The following AKT1 variants were observed in gnomAD, a reference collection of about 807,000 sequenced individuals.
The protein encoded by AKT1 is RAC-alpha serine/threonine-protein kinase.
A neutral mutation model predicts 63.1 loss-of-function variants in AKT1; 21 were observed. That is an observed-to-expected ratio of 0.33 (90% CI 0.24 to 0.48). AKT1 has a LOEUF of 0.48. Ranked by LOEUF, AKT1 falls within the 20% of genes least tolerant of loss-of-function variation. The pLI, the probability that AKT1 is intolerant of heterozygous loss-of-function variation, is 0.99. For synonymous variants in AKT1, 257 were observed against 253.1 expected (o/e 1.02, Z -0.15); for missense variants, 382 against 666.0 (o/e 0.57, Z 4.69).
chr14:104,769,577 G>A lies in AKT1; in HGVS notation c.*764C>T, dbSNP rs112114610. Reference sequence around the variant, plus strand: ...AGCGTCGAAAAGGTCAAGTGCTACCGTGGAGAGATCATCTGAGGGGGAGGC... The same window carrying A: ...AGCGTCGAAAAGGTCAAGTGCTACCATGGAGAGATCATCTGAGGGGGAGGC... On this transcript the variant is annotated 3_prime_UTR_variant, in exon 15 of 15. Transcript: ENST00000649815. The A allele has an allele frequency of 1.7e-3, 916 of 534,010 alleles. 4 individuals are homozygous for A. The highest frequency in any genetic ancestry group is 6.9e-3 in the East Asian group (175 of 25,382). 33.1% of individuals were successfully genotyped at this position (534,010 alleles called of 1,614,324 possible).
rs576052791 is a variant in AKT1 at position 104,782,009 on chromosome 14, T to C, written c.47-1793A>G. On this transcript the variant is annotated intron_variant, in intron 3 of 14. Coordinates refer to ENST00000649815, the MANE Select transcript of AKT1 (RefSeq NM_001382430.1). Reference sequence around the variant, plus strand: ...TGGGTGCCGGCTCCTGTCCCTGACCTGGGATCTCGCACACCCCCGAGTGTG... The same window carrying C: ...TGGGTGCCGGCTCCTGTCCCTGACCCGGGATCTCGCACACCCCCGAGTGTG... Among the ~76,000 whole-genome samples the C allele has an allele frequency of 2.3e-4, 35 of 152,268 alleles. No individual in the cohort carries two copies. In the South Asian group the frequency reaches 6.8e-3, roughly 30 times the overall value.
At chr14:104,790,642 G>A (rs879692276) in intron 3 of AKT1, among the ~76,000 whole-genome samples, 2 of 152,210 alleles carry the variant, frequency 1.3e-5, no homozygotes, top group Non-Finnish European at 2.9e-5. Context: ...CCTGCCAAGG[G>A]CATATGTCAT....
At position 104,770,220 on chromosome 14, in the gene AKT1, G is replaced by T. The variant is rs17846826; in HGVS notation, c.*121C>A. The T allele has an allele frequency of 2.7e-6, 3 of 1,128,142 alleles. No homozygotes were observed. The highest frequency in any genetic ancestry group is 4.0e-5 in the Admixed American group (2 of 50,042). The allele number at this position is 1,128,142 out of a possible 1,614,324, so 69.9% of individuals were successfully genotyped here. On this transcript the variant is annotated 3_prime_UTR_variant, in exon 15 of 15. Coordinates refer to ENST00000649815, the MANE Select transcript of AKT1 (RefSeq NM_001382430.1). ...CAAAAACGTCTTTCCATCTGGGCTC[G>T]AGAGGACAGCGTGGCTTCTCTCAAA...
At chr14:104,780,763 CAGTT>C (rs1892991493) in intron 3 of AKT1, among the ~76,000 whole-genome samples, 2 of 152,102 alleles carry the variant, frequency 1.3e-5, no homozygotes, top group Admixed American at 6.5e-5. Flanking sequence ...ATGGCGTCCA[CAGTT>C]AGAGGTCAGC....
At chr14:104,776,085 C>A in intron 5 of AKT1, 2 of 342,144 alleles carry the variant, frequency 5.8e-6, no homozygotes, top group Admixed American at 4.7e-5. Context: ...ACTCCGCCCC[C>A]CCCAAGCAGG....
intron 12 of AKT1, 98 bp from the exon 13 acceptor site, chr14:104,772,550 G>A: frequency 8.1e-7 from 1 of 1,238,276 alleles, no homozygotes; most frequent in South Asian, 1.3e-5. Context: ...CGCCAGACAG[G>A]ACGTTCCGGG....
chr14:104,776,159 T>A, intron 5 of AKT1: 1 of 235,154 alleles, frequency 4.3e-6, no homozygotes. Context: ...CGGGTTTTTC[T>A]TTTTTTGAGA....
rs574769056 is a variant in AKT1, at chr14:104,775,808, G to A, written c.288-9C>T. ...CGGTTGTCCACTCCTCCCTGCAGGA[G>A]GTCAGGTGAGGCTGCAGGCCTGTAC... is the stretch of plus-strand genomic sequence containing the variant. On this transcript the variant is annotated splice_polypyrimidine_tract_variant and intron_variant, in intron 5 of 14. Coordinates refer to ENST00000649815, the MANE Select transcript of AKT1 (RefSeq NM_001382430.1). 6.2e-7 allele frequency: 1 copy of A among 1,613,250 alleles called. No homozygotes were observed. Among genetic ancestry groups the A allele is most frequent in the East Asian group, 2.2e-5 (1 of 44,868 alleles).
At chr14:104,777,751 A>G in intron 4 of AKT1, 1 of 985,436 alleles carries the variant, frequency 1.0e-6, no homozygotes, top group Non-Finnish European at 1.2e-6. Context: ...TCCAGCATCG[A>G]GGCCCTGGCA....
rs1231525232 is a variant in AKT1, at chr14:104,770,300, C to A, written c.*41G>T. ...CAGATCATGGCACGAGGCCGCCTCT[C>A]CATCCCTCCAAGCTATCGTCCAGCG... On this transcript the variant is annotated 3_prime_UTR_variant, in exon 15 of 15. Transcript: ENST00000649815. 6.3e-7 allele frequency: 1 copy of A among 1,582,938 alleles called. No homozygotes were observed. Among genetic ancestry groups the A allele is most frequent in the Non-Finnish European group, 8.6e-7 (1 of 1,166,128 alleles).
intron 3 of AKT1, among the ~76,000 whole-genome samples, chr14:104,782,633 A>G (rs1893122346): frequency 6.6e-6 from 1 of 152,102 alleles, no homozygotes; most frequent in Non-Finnish European, 1.5e-5. Context: ...CAGAGGCCCA[A>G]ATGGGCCCTG....
intron 4 of AKT1, among the ~76,000 whole-genome samples, chr14:104,778,736 C>CA (rs1199616705): frequency 6.6e-6 from 1 of 152,226 alleles, no homozygotes; most frequent in Non-Finnish European, 1.5e-5. Context: ...AACCTCCTCC[C>CA]AGACCCTGGA....
chr14:104,790,684 T>C (rs1406773972), intron 3 of AKT1, among the ~76,000 whole-genome samples: 1 of 152,136 alleles, frequency 6.6e-6, no homozygotes, highest in Non-Finnish European at 1.5e-5. Context: ...CAGCGCCCAC[T>C]ACACTGGGGA....
chr14:104,787,826 G>C (rs975221365), intron 3 of AKT1, among the ~76,000 whole-genome samples: 4 of 152,242 alleles, frequency 2.6e-5, no homozygotes, highest in Non-Finnish European at 4.4e-5. Flanking sequence ...CAGGCGTGGG[G>C]GCTAAGGTCC....
intron 3 of AKT1, among the ~76,000 whole-genome samples, chr14:104,782,253 C>T (rs2140964485): frequency 6.6e-6 from 1 of 152,198 alleles, no homozygotes; most frequent in African/African-American, 2.4e-5. Context: ...GCTGTCGGCC[C>T]CTGATGGAGT....
chr14:104,781,577 C>CA (rs1470215294), intron 3 of AKT1, among the ~76,000 whole-genome samples: 1 of 152,170 alleles, frequency 6.6e-6, no homozygotes, highest in African/African-American at 2.4e-5. Flanking sequence ...GACACATGGC[C>CA]ACCCCCCGGC....
Position 104,795,163 on chromosome 14 carries a change from C to A in AKT1, c.-258+321G>T, listed in dbSNP as rs913957597. 7.2e-5 allele frequency: 11 copies of A among 152,102 alleles called. No homozygotes were observed. The highest frequency in any genetic ancestry group is 2.4e-4 in the African/African-American group (10 of 41,454). 9.4% of individuals were successfully genotyped at this position (152,102 alleles called of 1,614,324 possible). ...GGAGCCCCACGGCCCGCAGGGGCACCCCGAGCCCCAGCTCCAGGCCCGGCG... is the reference window on the plus strand; with the variant it reads ...GGAGCCCCACGGCCCGCAGGGGCACACCGAGCCCCAGCTCCAGGCCCGGCG... On this transcript the variant is annotated intron_variant, in intron 1 of 14. Transcript: ENST00000649815. This position sits in a 1 kb window ranked among gnomAD's most constrained non-coding sequence, Gnocchi z 5.1.
At chr14:104,792,194 A>C (rs1893663140) in intron 3 of AKT1, among the ~76,000 whole-genome samples, 1 of 152,184 alleles carries the variant, frequency 6.6e-6, no homozygotes, top group Non-Finnish European at 1.5e-5. Context: ...TCAGGCCTGA[A>C]GCAGGCACCA....
At chr14:104,776,216 C>G in intron 5 of AKT1, 1 of 199,556 alleles carries the variant, frequency 5.0e-6, no homozygotes, top group South Asian at 9.3e-5. Context: ...GGTAAAATCT[C>G]GGCTCCTGCA....
Sources: gnomAD v4.1 joint callset for allele counts (sites outside exome capture counted in the v4.1 genomes callset) on GRCh38, gnomAD v4.1.1 for gene constraint, Gnocchi (gnomAD v3.1) non-coding constraint, MANE v1.5 for transcripts, NCBI Gene and HGNC (gene_info 2026-07-23, HGNC 2026-07-21) for gene names.